Variants in CFAP99 observed in about 807,000 individuals in gnomAD.
CFAP99 encodes cilia and flagella associated protein 99.
Under a neutral mutation model 82.7 loss-of-function variants are expected in CFAP99, and 84 were observed. That is an observed-to-expected ratio of 1.02 (90% CI 0.85 to 1.22). The LOEUF is 1.22. Among genes scored for constraint, CFAP99 ranks in the 50% most tolerant of loss-of-function variants. The pLI is 0.00. For synonymous variants in CFAP99, 456 were observed against 429.5 expected (o/e 1.06, Z -0.76); for missense variants, 1,059 against 983.5 (o/e 1.08, Z -1.03).
Position 2,452,362 on chromosome 4 carries a change from G to C in CFAP99, c.1161+16G>C, listed in dbSNP as rs148070657. 1.2e-3 allele frequency: 1,818 copies of C among 1,531,176 alleles called. 17 individuals carry two copies. The African/African-American group carries it at 0.022, about 19-fold the overall frequency. The allele number at this position is 1,531,176 out of a possible 1,614,324, so 94.8% of individuals were successfully genotyped here. A position where few individuals can be genotyped will look rare whatever the true frequency, so the allele number is the denominator to read the frequency against. On this transcript the variant is annotated intron_variant, in intron 11 of 14. Coordinates refer to ENST00000635017, the Ensembl canonical transcript of CFAP99. The stretch of plus-strand genomic sequence containing the variant: ...GAAGGAGCAGGTGGGTGCCATGCAG[G>C]GCAGCTGGGCATGGGGCAGCCAGCT...
exon 12 of CFAP99, chr4:2,458,857 G>A: frequency 2.6e-6 from 4 of 1,534,762 alleles, no homozygotes; most frequent in Non-Finnish European, 3.5e-6. Flanking sequence ...AGGGCCGACA[G>A]CAGACAGGTA....
Position 2,462,650 on chromosome 4 carries a change from G to C in CFAP99, c.1869G>C (p.Gly623=), listed in dbSNP as rs1235228378. The C allele has an allele frequency of 9.3e-6, 12 of 1,284,902 alleles. No individual in the cohort carries two copies. The African/African-American group carries it at 1.6e-4, about 17-fold the overall frequency. 79.6% of individuals were successfully genotyped at this position (1,284,902 alleles called of 1,614,324 possible). Reference sequence around the variant, plus strand: ...AGGAGCCCGGGCGACTGAAAGCCGGGGCCGGGTGGGGATGGCGGGCGCGGC... The same window carrying C: ...AGGAGCCCGGGCGACTGAAAGCCGGCGCCGGGTGGGGATGGCGGGCGCGGC... The change falls in exon 15 of 15, where the codon GGG becomes GGC. Residue 623 remains glycine, a synonymous_variant. Transcript: ENST00000635017. The surrounding 1 kb of genome is among the most constrained non-coding windows in gnomAD (Gnocchi z 4.1).
intron 8 of CFAP99, 134 bp downstream of exon 8, chr4:2,450,139 C>T (rs1003171256): frequency 2.2e-6 from 2 of 894,418 alleles, no homozygotes; most frequent in African/African-American, 1.6e-5. Context: ...GGCGGATTCC[C>T]AGTAGCACTG....
At chr4:2,449,135 C>T (rs1734242507) in intron 6 of CFAP99, among the ~76,000 whole-genome samples, 1 of 151,992 alleles carries the variant, frequency 6.6e-6, no homozygotes, top group Non-Finnish European at 1.5e-5. Flanking sequence ...CTAGGCCGGC[C>T]CCCTCCTGCT....
At chr4:2,440,777 G>C (rs746508433) in intron 4 of CFAP99, among the ~76,000 whole-genome samples, 1 of 151,582 alleles carries the variant, frequency 6.6e-6, no homozygotes, top group Non-Finnish European at 1.5e-5. Context: ...TGTATTTTTA[G>C]TAGAGACAGG....
intron 5 of CFAP99, among the ~76,000 whole-genome samples, chr4:2,444,584 G>A (rs1279408543): frequency 6.6e-6 from 1 of 152,122 alleles, no homozygotes; most frequent in Non-Finnish European, 1.5e-5. Flanking sequence ...CCCCACACTC[G>A]GGCGGCCTGG....
chr4:2,460,921 C>G (rs546228294), intron 14 of CFAP99, among the ~76,000 whole-genome samples: 72 of 152,218 alleles, frequency 4.7e-4, no homozygotes, highest in African/African-American at 1.5e-3. Flanking sequence ...TGTATTTTAG[C>G]AGAGACAGGG....
At chr4:2,427,926 C>G (rs564198494) in intron 2 of CFAP99, 1 of 152,392 alleles carries the variant, frequency 6.6e-6, no homozygotes, top group Non-Finnish European at 1.5e-5. Flanking sequence ...GCGCCTCCTC[C>G]GGCTGGGGCC....
chr4:2,423,144 C>T (rs958285046), intron 1 of CFAP99, among the ~76,000 whole-genome samples: 7 of 152,354 alleles, frequency 4.6e-5, no homozygotes, highest in African/African-American at 1.4e-4. Context: ...CCACAAGTCC[C>T]CCCTCCCCAA....
Position 2,446,739 on chromosome 4 carries a change from G to A in CFAP99, c.642+1431G>A, listed in dbSNP as rs945353731. The stretch of plus-strand genomic sequence containing the variant: ...CCTAGCCTAGTCATGGCTCAAAGCA[G>A]AACCTCAGTAAATACCAGTTGGATG... On this transcript the variant is annotated intron_variant, in intron 6 of 14. Coordinates refer to ENST00000635017, the Ensembl canonical transcript of CFAP99. The surrounding 1 kb of genome is among the most constrained non-coding windows in gnomAD (Gnocchi z 5.0). 2.0e-5 allele frequency among the ~76,000 whole-genome samples: 3 copies of A among 152,212 alleles called. No homozygotes were observed. Among genetic ancestry groups the A allele is most frequent in the African/African-American group, 7.2e-5 (3 of 41,458 alleles).
At chr4:2,445,716 C>G (rs555917716) in intron 6 of CFAP99, among the ~76,000 whole-genome samples, 1 of 152,320 alleles carries the variant, frequency 6.6e-6, no homozygotes, top group African/African-American at 2.4e-5. Context: ...CTCTTTCTTT[C>G]TCTTCCCACT....
chr4:2,456,581 G>A (rs182057562), intron 11 of CFAP99, among the ~76,000 whole-genome samples: 136 of 152,286 alleles, frequency 8.9e-4, no homozygotes, highest in Middle Eastern at 3.4e-3. Flanking sequence ...GTGCAATGGT[G>A]CGATCTCGGC....
At chr4:2,440,419 T>G (rs1405488243) in intron 4 of CFAP99, among the ~76,000 whole-genome samples, 2 of 151,264 alleles carry the variant, frequency 1.3e-5, no homozygotes, top group African/African-American at 4.9e-5. Flanking sequence ...GTGCTGGGAT[T>G]ACAGGCGTGA....
At chr4:2,424,637 C>T (rs1406552112) in intron 1 of CFAP99, among the ~76,000 whole-genome samples, 2 of 152,290 alleles carry the variant, frequency 1.3e-5, no homozygotes, top group South Asian at 2.1e-4. Flanking sequence ...GAGACACCCC[C>T]GGGAGCCCCT....
At chr4:2,451,076 C>A in intron 9 of CFAP99, 58 bp downstream of exon 9, 3 of 1,505,892 alleles carry the variant, frequency 2.0e-6, no homozygotes, top group Non-Finnish European at 2.7e-6. Context: ...CCCTCCAGAC[C>A]TTTTCTGCCC....
At position 2,446,356 on chromosome 4, in the gene CFAP99, TTTA is replaced by T. The variant is rs1734163973; in HGVS notation, c.642+1054_642+1056del. ...GTCCCATATTCTCTTTTTATTTCAT[TTTA>T]TTATTGTTGTTATTATTATTATTAT... On this transcript the variant is annotated intron_variant, in intron 6 of 14. Coordinates refer to ENST00000635017, the Ensembl canonical transcript of CFAP99. The surrounding 1 kb of genome is among the most constrained non-coding windows in gnomAD (Gnocchi z 5.0). Among the ~76,000 whole-genome samples the T allele has an allele frequency of 6.6e-6, 1 of 150,432 alleles. No individual in the cohort carries two copies. Among genetic ancestry groups the T allele is most frequent in the African/African-American group, 2.5e-5 (1 of 40,524 alleles).
intron 1 of CFAP99, among the ~76,000 whole-genome samples, chr4:2,425,368 C>T (rs1181366180): frequency 1.3e-5 from 2 of 152,186 alleles, no homozygotes; most frequent in South Asian, 2.1e-4. Flanking sequence ...CCCTTCAGCA[C>T]GGCCAGGATC....
rs1390013501 is a variant in CFAP99 at position 2,448,419 on chromosome 4, C to A, written c.643-1251C>A. Among the ~76,000 whole-genome samples the A allele has an allele frequency of 1.3e-5, 2 of 152,210 alleles. No individual in the cohort carries two copies. The highest frequency in any genetic ancestry group is 2.9e-5 in the Non-Finnish European group (2 of 68,036). Reference sequence around the variant, plus strand: ...CACAGGGTGGCTGTGCTGAAACTATCCTCTACCCTCCCTGCCCTGCCCCAT... The same window carrying A: ...CACAGGGTGGCTGTGCTGAAACTATACTCTACCCTCCCTGCCCTGCCCCAT... On this transcript the variant is annotated intron_variant, in intron 6 of 14. Transcript: ENST00000635017. This position sits in a 1 kb window ranked among gnomAD's most constrained non-coding sequence, Gnocchi z 5.2.
At chr4:2,436,600 C>T (rs1407786821) in intron 2 of CFAP99, among the ~76,000 whole-genome samples, 1 of 152,100 alleles carries the variant, frequency 6.6e-6, no homozygotes, top group African/African-American at 2.4e-5. Context: ...TTAGCTGGAA[C>T]CGCACAGTAC....
Sources: gnomAD v4.1 joint callset for allele counts (sites outside exome capture counted in the v4.1 genomes callset) on GRCh38, gnomAD v4.1.1 for gene constraint, Gnocchi (gnomAD v3.1) non-coding constraint, MANE v1.5 for transcripts, NCBI Gene and HGNC (gene_info 2026-07-23, HGNC 2026-07-21) for gene names.